MARCHF1: variants seen among roughly 807,000 people sequenced by gnomAD.
MARCHF1 encodes the protein E3 ubiquitin-protein ligase MARCHF1.
A neutral mutation model predicts 54.2 loss-of-function variants in MARCHF1; 40 were observed. That is an observed-to-expected ratio of 0.74 (90% confidence interval 0.57 to 0.96). MARCHF1 has a LOEUF of 0.96. Among genes scored for constraint, MARCHF1 ranks in the 40% least tolerant of loss-of-function variants. MARCHF1 has a pLI of 0.00. For missense variants in MARCHF1, 586 were observed against 656.5 expected (o/e 0.89, Z 1.17); for synonymous variants, 236 against 236.3 (o/e 1.00, Z 0.01).
At chr4:164,254,946 T>A (rs11942484) in intron 1 of MARCHF1, among the ~76,000 whole-genome samples, 17,753 of 152,158 alleles carry the variant, frequency 0.12, 1,620 homozygotes, top group African/African-American at 0.25. Flanking sequence ...AAGTTGACAG[T>A]ATTAACCATC....
intron 5 of MARCHF1, among the ~76,000 whole-genome samples, chr4:163,649,007 C>T (rs967770928): frequency 6.6e-6 from 1 of 151,380 alleles, no homozygotes; most frequent in Non-Finnish European, 1.5e-5. Flanking sequence ...TAAAAATAAT[C>T]ATGGTTGTTG....
intron 1 of MARCHF1, among the ~76,000 whole-genome samples, chr4:164,276,080 G>A (rs1429825946): frequency 6.6e-6 from 1 of 151,846 alleles, no homozygotes; most frequent in East Asian, 1.9e-4. Context: ...TCATATTTTT[G>A]AAAACTTTTG....
At chr4:164,092,295 G>C (rs1359185649) in intron 2 of MARCHF1, among the ~76,000 whole-genome samples, 1 of 152,138 alleles carries the variant, frequency 6.6e-6, no homozygotes, top group African/African-American at 2.4e-5. Context: ...TGACAAAAAT[G>C]TTTCTGCAAG....
At chr4:163,985,689 G>T (rs1327779233) in intron 3 of MARCHF1, among the ~76,000 whole-genome samples, 1 of 152,072 alleles carries the variant, frequency 6.6e-6, no homozygotes, top group Non-Finnish European at 1.5e-5. Context: ...AATTTTGAAT[G>T]AAGTTAAATT....
At chr4:164,002,089 T>G (rs888585985) in intron 2 of MARCHF1, among the ~76,000 whole-genome samples, 4 of 151,632 alleles carry the variant, frequency 2.6e-5, no homozygotes, top group African/African-American at 7.2e-5. Context: ...ACATTAAAAC[T>G]CAAGTAAACT....
At chr4:164,191,550 C>A (rs547946623) in intron 1 of MARCHF1, among the ~76,000 whole-genome samples, 2 of 152,112 alleles carry the variant, frequency 1.3e-5, no homozygotes, top group Non-Finnish European at 2.9e-5. Context: ...TTGAGGAATG[C>A]AAGTTTGAAT....
At chr4:163,807,378 T>C (rs1748256325) in intron 4 of MARCHF1, among the ~76,000 whole-genome samples, 2 of 152,322 alleles carry the variant, frequency 1.3e-5, no homozygotes, top group South Asian at 4.1e-4. Flanking sequence ...TAAATTGCTG[T>C]TTTGGAAGCA....
At chr4:163,642,147 C>T (rs1028408099) in intron 5 of MARCHF1, among the ~76,000 whole-genome samples, 4 of 152,190 alleles carry the variant, frequency 2.6e-5, no homozygotes, top group Non-Finnish European at 4.4e-5. Flanking sequence ...TTTAACTGAG[C>T]TTAAGTACGC....
At chr4:164,214,908 G>A (rs546559491) in intron 1 of MARCHF1, among the ~76,000 whole-genome samples, 1 of 152,258 alleles carries the variant, frequency 6.6e-6, no homozygotes, top group South Asian at 2.1e-4. Flanking sequence ...CGATGGGGCT[G>A]TGGCTCGCTT....
intron 1 of MARCHF1, among the ~76,000 whole-genome samples, chr4:164,368,482 GC>G (rs896227303): frequency 2.0e-5 from 3 of 151,966 alleles, no homozygotes; most frequent in African/African-American, 7.3e-5. Context: ...AATCATACAA[GC>G]TTTTCCATAG....
intron 4 of MARCHF1, among the ~76,000 whole-genome samples, chr4:163,729,992 A>AT (rs1163426106): frequency 1.3e-5 from 2 of 151,914 alleles, no homozygotes; most frequent in Admixed American, 6.6e-5. Flanking sequence ...TGGGGCCATT[A>AT]TTTTTTCAGA....
chr4:163,873,672 G>C (rs925569006), intron 3 of MARCHF1, among the ~76,000 whole-genome samples: 7 of 152,174 alleles, frequency 4.6e-5, no homozygotes, highest in Non-Finnish European at 8.8e-5. Flanking sequence ...ACTAAGATCA[G>C]TGAGAGACAG....
intron 1 of MARCHF1, among the ~76,000 whole-genome samples, chr4:164,151,897 A>T (rs889637226): frequency 6.6e-6 from 1 of 152,012 alleles, no homozygotes; most frequent in Non-Finnish European, 1.5e-5. Flanking sequence ...CCAATTATTC[A>T]GTTTTTATTG....
At chr4:163,644,373 C>T (rs1441115404) in intron 5 of MARCHF1, among the ~76,000 whole-genome samples, 1 of 152,080 alleles carries the variant, frequency 6.6e-6, no homozygotes, top group East Asian at 1.9e-4. Flanking sequence ...ACCAGATTTA[C>T]CTAAAGTGAG....
intron 8 of MARCHF1, among the ~76,000 whole-genome samples, chr4:163,572,603 A>C (rs1297314622): frequency 6.6e-6 from 1 of 152,128 alleles, no homozygotes; most frequent in African/African-American, 2.4e-5. Flanking sequence ...AATACTTATC[A>C]TTCCCTAAGT....
At chr4:163,958,240 AGTGAGT>A (rs1752271010) in intron 3 of MARCHF1, among the ~76,000 whole-genome samples, 1 of 123,206 alleles carries the variant, frequency 8.1e-6, no homozygotes, top group Non-Finnish European at 1.7e-5. Flanking sequence ...CTTTCAATCA[AGTGAGT>A]GTGTGTGTGT....
At chr4:163,943,444 A>G (rs1383560489) in intron 3 of MARCHF1, among the ~76,000 whole-genome samples, 2 of 152,044 alleles carry the variant, frequency 1.3e-5, no homozygotes, top group African/African-American at 4.8e-5. Flanking sequence ...TTGAATAGGG[A>G]GTCTTTTCCC....
intron 1 of MARCHF1, among the ~76,000 whole-genome samples, chr4:164,171,647 T>A (rs56030120): frequency 0.19 from 28,814 of 152,120 alleles, 4,390 homozygotes; most frequent in African/African-American, 0.41. Context: ...TACCAAGCCT[T>A]AAATGAATTT....
chr4:164,071,482 C>A (rs899727453), intron 2 of MARCHF1, among the ~76,000 whole-genome samples: 3 of 151,854 alleles, frequency 2.0e-5, no homozygotes, highest in African/African-American at 7.3e-5. Flanking sequence ...GAAAATGTTA[C>A]AAACTAGTGA....
Sources: gnomAD v4.1 joint callset for allele counts (sites outside exome capture counted in the v4.1 genomes callset) on GRCh38, gnomAD v4.1.1 for gene constraint, MANE v1.5 for transcripts, NCBI Gene and HGNC (gene_info 2026-07-23, HGNC 2026-07-21) for gene names.